ADAMTS6: variants seen among roughly 807,000 people sequenced by gnomAD.
ADAMTS6 encodes the protein ADAM metallopeptidase with thrombospondin type 1 motif 6, also known as A disintegrin and metalloproteinase with thrombospondin motifs 6.
ADAMTS6 carries 23 observed loss-of-function variants against 144.3 expected under a neutral mutation model. The observed-to-expected ratio is 0.16, with a 90% CI of 0.11 to 0.23. The LOEUF (loss-of-function observed/expected upper bound fraction) is 0.23, where lower values mean the gene tolerates loss of function less well. Among genes scored for constraint, ADAMTS6 ranks in the 10% least tolerant of loss-of-function variants. The probability of loss-of-function intolerance (pLI) is 1.00; values close to 1 mark genes in which losing one functional copy is unlikely to be tolerated. For missense variants in ADAMTS6, 999 were observed against 1,379.6 expected (o/e 0.72, Z 4.37); for synonymous variants, 444 against 457.5 (o/e 0.97, Z 0.38).
At chr5:65,386,928 T>A (rs1752522467) in intron 7 of ADAMTS6, among the ~76,000 whole-genome samples, 1 of 152,256 alleles carries the variant, frequency 6.6e-6, no homozygotes, top group Non-Finnish European at 1.5e-5. Flanking sequence ...AAGCATTGAC[T>A]GTTCATTTTT....
At chr5:65,478,498 C>CTA (rs931009580) in intron 1 of ADAMTS6, among the ~76,000 whole-genome samples, 1 of 152,196 alleles carries the variant, frequency 6.6e-6, no homozygotes, top group African/African-American at 2.4e-5. Flanking sequence ...ATATTGATGT[C>CTA]TATCTCACAA....
At chr5:65,252,858 A>C (rs1476958028) in intron 14 of ADAMTS6, among the ~76,000 whole-genome samples, 1 of 151,970 alleles carries the variant, frequency 6.6e-6, no homozygotes, top group Non-Finnish European at 1.5e-5. Flanking sequence ...TCAGCCTAAT[A>C]TTCTGGATTT....
At chr5:65,313,616 TATAAC>T (rs1744711941) in intron 9 of ADAMTS6, among the ~76,000 whole-genome samples, 1 of 152,168 alleles carries the variant, frequency 6.6e-6, no homozygotes, top group Non-Finnish European at 1.5e-5. Flanking sequence ...GATTAAAACT[TATAAC>T]GTAAATGTGG....
intron 22 of ADAMTS6, among the ~76,000 whole-genome samples, chr5:65,176,128 G>A (rs545634919): frequency 6.6e-6 from 1 of 151,910 alleles, no homozygotes; most frequent in African/African-American, 2.4e-5. Context: ...GGAAAAAAAG[G>A]GGGGGGCAGA....
chr5:65,334,017 AAAAAAAAAACC>A lies in ADAMTS6; in HGVS notation c.1117+14_1117+24del, dbSNP rs1561436061. On this transcript the variant is annotated intron_variant, in intron 8 of 24. Transcript: ENST00000381055. ...TTTATTAAAAAAAAAAAAAAAAAAA[AAAAAAAAAACC>A]AAAAAAAACTTACCCAGTGTTCCAC... The A allele has an allele frequency of 5.6e-6, 8 of 1,424,434 alleles. No homozygotes were observed. The African/African-American group carries it at 1.1e-4, about 19-fold the overall frequency. The allele number at this position is 1,424,434 out of a possible 1,614,324, so 88.2% of individuals were successfully genotyped here.
rs572275268 is a variant in ADAMTS6 at position 65,477,143 on chromosome 5, T to C, written c.-279-3191A>G. ...ACCTACTTATATACAGATTCCATAC[T>C]CTAAACCTTCCCATGTAATATTAAA... On this transcript the variant is annotated intron_variant, in intron 1 of 24. Transcript: ENST00000381055. Among the ~76,000 whole-genome samples, 7 of 152,328 alleles carry C rather than the reference T, an allele frequency of 4.6e-5. No homozygotes were observed. The East Asian group carries it at 9.6e-4, about 21-fold the overall frequency.
chr5:65,402,273 G>A (rs79491806), intron 7 of ADAMTS6, among the ~76,000 whole-genome samples: 1 of 151,882 alleles, frequency 6.6e-6, no homozygotes, highest in Non-Finnish European at 1.5e-5. Flanking sequence ...ACTCACTTGC[G>A]AAAACATATA....
chr5:65,223,488 G>GC (rs1349357704), intron 18 of ADAMTS6, among the ~76,000 whole-genome samples: 1 of 151,988 alleles, frequency 6.6e-6, no homozygotes, highest in East Asian at 1.9e-4. Flanking sequence ...CCTCCTCCCT[G>GC]CCCCCTGGTA....
At chr5:65,250,301 T>C (rs1327840338) in intron 14 of ADAMTS6, among the ~76,000 whole-genome samples, 1 of 152,208 alleles carries the variant, frequency 6.6e-6, no homozygotes, top group Non-Finnish European at 1.5e-5. Flanking sequence ...CAAGGTCAAA[T>C]AGCAACATGT....
chr5:65,280,104 G>C (rs539344708), intron 11 of ADAMTS6, among the ~76,000 whole-genome samples: 44 of 152,220 alleles, frequency 2.9e-4, no homozygotes, highest in African/African-American at 1.0e-3. Flanking sequence ...ACAAGCCTGG[G>C]GCTTCAGTTT....
At chr5:65,206,838 T>TCACA (rs147509641) in intron 20 of ADAMTS6, among the ~76,000 whole-genome samples, 301 of 145,116 alleles carry the variant, frequency 2.1e-3, no homozygotes, top group African/African-American at 3.8e-3. Context: ...TCTCTCTCTC[T>TCACA]CACACACACA....
chr5:65,468,375 G>A (rs569755909), intron 3 of ADAMTS6, among the ~76,000 whole-genome samples: 1 of 150,770 alleles, frequency 6.6e-6, no homozygotes, highest in South Asian at 2.1e-4. Flanking sequence ...GGAGGTGGAG[G>A]TTGCAGTGAG....
chr5:65,308,315 A>G (rs1304799885), intron 9 of ADAMTS6, among the ~76,000 whole-genome samples: 2 of 152,218 alleles, frequency 1.3e-5, no homozygotes, highest in Non-Finnish European at 2.9e-5. Context: ...TGCCAGGTCA[A>G]GGCCAAAGAA....
chr5:65,303,593 A>T (rs1244337884), intron 9 of ADAMTS6, among the ~76,000 whole-genome samples: 1 of 151,946 alleles, frequency 6.6e-6, no homozygotes, highest in Admixed American at 6.6e-5. Context: ...TTTCATATAC[A>T]TGTTTTTGCT....
chr5:65,343,880 G>A (rs1306632704), intron 7 of ADAMTS6, among the ~76,000 whole-genome samples: 1 of 151,836 alleles, frequency 6.6e-6, no homozygotes, highest in East Asian at 1.9e-4. Context: ...TCCATTTAAG[G>A]AATGGGCAAA....
intron 24 of ADAMTS6, among the ~76,000 whole-genome samples, chr5:65,168,233 AC>A (rs1207756593): frequency 6.7e-6 from 1 of 149,182 alleles, no homozygotes; most frequent in African/African-American, 2.5e-5. Flanking sequence ...ATTCCTATAC[AC>A]CAACAACAGA....
intron 7 of ADAMTS6, among the ~76,000 whole-genome samples, chr5:65,428,612 A>C (rs1396302535): frequency 6.6e-6 from 1 of 152,184 alleles, no homozygotes; most frequent in Non-Finnish European, 1.5e-5. Flanking sequence ...TGCTACACTC[A>C]AGTTGCTTAC....
Position 65,406,387 on chromosome 5 carries a change from G to A in ADAMTS6, c.1073+45088C>T, listed in dbSNP as rs188513641. Among the ~76,000 whole-genome samples, 340 of 150,082 alleles carry A rather than the reference G, an allele frequency of 2.3e-3. 1 individual carries two copies. Among genetic ancestry groups the A allele is most frequent in the Non-Finnish European group, 3.6e-3 (242 of 67,228 alleles). ...GTTGAATTTTGTCAAAGGCCTTTTC[G>A]GCATCTATTGAGATAATCATGTGGT... On this transcript the variant is annotated intron_variant, in intron 7 of 24. Coordinates refer to ENST00000381055, the MANE Select transcript of ADAMTS6 (RefSeq NM_197941.4).
At chr5:65,471,167 C>A (rs1374996528) in intron 2 of ADAMTS6, 25 bp from the exon 3 acceptor site, 6 of 1,548,030 alleles carry the variant, frequency 3.9e-6, no homozygotes, top group Admixed American at 4.8e-5. Flanking sequence ...GGCAGAGAAT[C>A]CAGAAAAAAA....
Sources: allele counts gnomAD v4.1 joint callset (sites outside exome capture counted in the v4.1 genomes callset), GRCh38; gene constraint gnomAD v4.1.1; transcripts MANE v1.5; gene names NCBI Gene and HGNC (gene_info 2026-07-23, HGNC 2026-07-21).